Variants in CPNE3 observed in about 807,000 individuals in gnomAD.
CPNE3 encodes copine-3.
A neutral mutation model predicts 63.9 loss-of-function variants in CPNE3; 68 were observed. The ratio of observed to expected loss-of-function variants is 1.06; its 90% confidence interval spans 0.87 to 1.30. The LOEUF is 1.30. Among genes scored for constraint, CPNE3 ranks in the 50% most tolerant of loss-of-function variants. The pLI is 0.00. For missense variants in CPNE3, 665 were observed against 578.1 expected (o/e 1.15, Z -1.54); for synonymous variants, 219 against 197.5 (o/e 1.11, Z -0.91).
At chr8:86,537,089 C>T (rs1820818623) in intron 6 of CPNE3, among the ~76,000 whole-genome samples, 1 of 152,088 alleles carries the variant, frequency 6.6e-6, no homozygotes, top group Admixed American at 6.6e-5. Context: ...GAAGTTAAAG[C>T]CTGGATCCAT....
intron 5 of CPNE3, among the ~76,000 whole-genome samples, 170 bp downstream of exon 5, chr8:86,531,399 C>A (rs554474281): frequency 9.8e-5 from 15 of 152,300 alleles, no homozygotes; most frequent in Admixed American, 8.5e-4. Context: ...ATGTATTGTG[C>A]AAACCAGGGG....
intron 2 of CPNE3, among the ~76,000 whole-genome samples, chr8:86,525,795 C>A (rs1021963464): frequency 6.6e-6 from 1 of 151,982 alleles, no homozygotes; most frequent in African/African-American, 2.4e-5. Context: ...TTGGGGGAAG[C>A]TTTAGCTATT....
chr8:86,536,309 T>G (rs963045595), intron 6 of CPNE3, among the ~76,000 whole-genome samples: 1 of 147,676 alleles, frequency 6.8e-6, no homozygotes, highest in African/African-American at 2.5e-5. Flanking sequence ...ATACTAGATG[T>G]ACACTTTCCT....
chr8:86,554,509 T>A (rs887066173), intron 14 of CPNE3, among the ~76,000 whole-genome samples: 1 of 152,260 alleles, frequency 6.6e-6, no homozygotes. Flanking sequence ...ATCAGTTGTA[T>A]GATGTGAAAC....
intron 4 of CPNE3, 136 bp downstream of exon 4, chr8:86,529,260 A>C: frequency 1.5e-6 from 1 of 667,700 alleles, no homozygotes. Context: ...ATATATTAAT[A>C]TGATTGGCTT....
At chr8:86,524,554 T>A (rs1352687788) in intron 2 of CPNE3, among the ~76,000 whole-genome samples, 1 of 152,178 alleles carries the variant, frequency 6.6e-6, no homozygotes, top group Non-Finnish European at 1.5e-5. Flanking sequence ...TCCTGCTCTT[T>A]AAGGAGTAAA....
intron 9 of CPNE3, among the ~76,000 whole-genome samples, chr8:86,545,570 C>T (rs187442932): frequency 6.6e-6 from 1 of 152,202 alleles, no homozygotes; most frequent in Admixed American, 6.5e-5. Flanking sequence ...ACAATTAATA[C>T]TTATGATTGT....
chr8:86,540,154 G>A (rs111755325), intron 7 of CPNE3, 91 bp from the exon 8 acceptor site: 35 of 767,454 alleles, frequency 4.6e-5, no homozygotes, highest in Non-Finnish European at 7.3e-5. Flanking sequence ...GACGAATGGT[G>A]AGAGTATAGC....
At chr8:86,523,014 A>C (rs1476402953) in intron 2 of CPNE3, among the ~76,000 whole-genome samples, 1 of 152,222 alleles carries the variant, frequency 6.6e-6, no homozygotes, top group African/African-American at 2.4e-5. Context: ...GAAGCTTTTC[A>C]TAAGTAAGGA....
At position 86,529,083 on chromosome 8, in the gene CPNE3, GA is replaced by G. The variant is rs1820611376; in HGVS notation, c.272del (p.Asp91ValfsTer5). On this transcript the variant is annotated frameshift_variant, in exon 4 of 17. Transcript: ENST00000517490. LOFTEE classifies it high-confidence loss of function. ...DIDNKTIELSDDDFLGECECT... is the reference protein window; with the variant it reads ...DIDNKTIELSXDDFLGECECT... ...CGACAACAAAACTATTGAGCTGAGT[GA>G]TGATGACTTCTTAGGGGAATGTGAA... 1 of 1,613,892 alleles carries G rather than the reference GA, an allele frequency of 6.2e-7. No individual in the cohort carries two copies. Among genetic ancestry groups the G allele is most frequent in the Non-Finnish European group, 8.5e-7 (1 of 1,179,968 alleles).
chr8:86,514,646 A>T (rs976437491), intron 1 of CPNE3, 105 bp downstream of exon 1: 1 of 152,190 alleles, frequency 6.6e-6, no homozygotes, highest in Admixed American at 6.5e-5. Flanking sequence ...CCGAGCCCGC[A>T]GGCTCCGTGC....
intron 4 of CPNE3, 89 bp from the exon 5 acceptor site, chr8:86,531,066 T>C: frequency 2.7e-6 from 2 of 736,060 alleles, no homozygotes; most frequent in Non-Finnish European, 4.9e-6. Context: ...AAGTGAACCT[T>C]ATACTCAGTC....
chr8:86,530,770 C>A (rs1820661578), intron 4 of CPNE3, among the ~76,000 whole-genome samples: 1 of 150,740 alleles, frequency 6.6e-6, no homozygotes, highest in African/African-American at 2.4e-5. Context: ...TGGCTCACTG[C>A]AACCTCTGCC....
chr8:86,561,263 G>A lies in CPNE3; in HGVS notation c.*2853G>A, dbSNP rs1301292070. 1 of 152,122 alleles carries A rather than the reference G, an allele frequency of 6.6e-6. No homozygotes were observed. Among genetic ancestry groups the A allele is most frequent in the African/African-American group, 2.4e-5 (1 of 41,408 alleles). The allele number at this position is 152,122 out of a possible 1,614,324, so 9.4% of individuals were successfully genotyped here. ...GTCATGGAAATGACACATAAAGTAC[G>A]CCAGAAGTTTGATGGAACGTGTTAG... On this transcript the variant is annotated 3_prime_UTR_variant, in exon 17 of 17. Transcript: ENST00000517490.
chr8:86,537,783 G>T, intron 7 of CPNE3, 137 bp downstream of exon 7: 1 of 619,108 alleles, frequency 1.6e-6, no homozygotes, highest in Non-Finnish European at 2.9e-6. Flanking sequence ...AGATCACCAT[G>T]TTCATATTTT....
chr8:86,549,645 C>T (rs533186944), intron 12 of CPNE3, among the ~76,000 whole-genome samples: 1 of 152,298 alleles, frequency 6.6e-6, no homozygotes, highest in African/African-American at 2.4e-5. Context: ...AACAAAGTGG[C>T]TTTGACAAAA....
chr8:86,518,594 A>G (rs532976705), intron 2 of CPNE3, among the ~76,000 whole-genome samples: 76 of 152,302 alleles, frequency 5.0e-4, no homozygotes, highest in African/African-American at 1.7e-3. Flanking sequence ...GACAGTAGTG[A>G]GACATCACCA....
chr8:86,529,614 A>T (rs904056095), intron 4 of CPNE3, among the ~76,000 whole-genome samples: 1 of 152,120 alleles, frequency 6.6e-6, no homozygotes, highest in African/African-American at 2.4e-5. Flanking sequence ...TCCTGAGCTC[A>T]CTTGGTACTT....
intron 14 of CPNE3, among the ~76,000 whole-genome samples, chr8:86,552,823 T>C (rs1488311002): frequency 6.7e-6 from 1 of 148,216 alleles, no homozygotes; most frequent in Non-Finnish European, 1.5e-5. Context: ...GTGAAGAAAT[T>C]ATTATTATTA....
Sources: allele counts gnomAD v4.1 joint callset (sites outside exome capture counted in the v4.1 genomes callset), GRCh38; gene constraint gnomAD v4.1.1; transcripts MANE v1.5; gene names NCBI Gene and HGNC (gene_info 2026-07-23, HGNC 2026-07-21).